DAB2IP: variants seen among roughly 807,000 people sequenced by gnomAD.
The protein encoded by DAB2IP is DAB2 interacting protein, also known as disabled homolog 2-interacting protein.
In DAB2IP, 28 loss-of-function variants were observed where a neutral mutation model predicts 107.2. The ratio of observed to expected loss-of-function variants is 0.26; its 90% CI spans 0.19 to 0.36. The LOEUF (loss-of-function observed/expected upper bound fraction) is 0.36, where lower values mean the gene tolerates loss of function less well. Ranked by LOEUF, DAB2IP falls within the 10% of genes least tolerant of loss-of-function variation. DAB2IP has a pLI of 1.00. For missense variants in DAB2IP, 1,400 were observed against 1,644.7 expected, an observed-to-expected ratio of 0.85 and a Z score of 2.57; for synonymous variants, 755 against 706.4, an observed-to-expected ratio of 1.07 and a Z score of -1.09.
chr9:121,693,234 T>C (rs957674039), intron 2 of DAB2IP, among the ~76,000 whole-genome samples: 1 of 152,154 alleles, frequency 6.6e-6, no homozygotes, highest in Non-Finnish European at 1.5e-5. Context: ...GCCTCAGATG[T>C]CTCCTCAGTG....
chr9:121,657,288 A>G (rs1239535125), intron 1 of DAB2IP, among the ~76,000 whole-genome samples: 1 of 152,200 alleles, frequency 6.6e-6, no homozygotes, highest in Non-Finnish European at 1.5e-5. Flanking sequence ...CCTAATCCCC[A>G]GAGCTCTCTA....
At chr9:121,722,489 C>T (rs1221326170) in intron 3 of DAB2IP, among the ~76,000 whole-genome samples, 1 of 152,170 alleles carries the variant, frequency 6.6e-6, no homozygotes, top group African/African-American at 2.4e-5. Context: ...TAAATGATCA[C>T]CTGCAGAAAT....
chr9:121,705,741 C>T (rs542987798), intron 3 of DAB2IP, among the ~76,000 whole-genome samples: 82 of 152,326 alleles, frequency 5.4e-4, no homozygotes, highest in South Asian at 4.6e-3. Context: ...CTTCGGTTAC[C>T]AGGCAGAGCC....
At chr9:121,591,768 G>A (rs1045056109) in intron 1 of DAB2IP, among the ~76,000 whole-genome samples, 25 of 152,352 alleles carry the variant, frequency 1.6e-4, no homozygotes, top group Middle Eastern at 6.8e-3. Context: ...TAAGGACAGT[G>A]GTTGAAGCCA....
At position 121,783,579 on chromosome 9, in the gene DAB2IP, CAG is replaced by C. The variant is rs767130017; in HGVS notation, c.*1082_*1083del. 47 of 1,613,404 alleles carry C rather than the reference CAG, an allele frequency of 2.9e-5. 2 individuals are homozygous for C. The South Asian group carries it at 4.3e-4, about 15-fold the overall frequency. ...GCCCGCTTGCTCGCTTGCTGGAACACAGGGGCCTTTTAAGTTGAGCGTGCGCA... is the reference window on the plus strand; with the variant it reads ...GCCCGCTTGCTCGCTTGCTGGAACACGGGCCTTTTAAGTTGAGCGTGCGCA... On this transcript the variant is annotated 3_prime_UTR_variant, in exon 16 of 16. Transcript: ENST00000408936.
chr9:121,740,043 C>T (rs530796971), intron 3 of DAB2IP, among the ~76,000 whole-genome samples: 2 of 152,114 alleles, frequency 1.3e-5, no homozygotes, highest in East Asian at 1.9e-4. Flanking sequence ...CCAGTGGGGT[C>T]GGAACAGACA....
At chr9:121,727,747 T>G (rs1387586406) in intron 3 of DAB2IP, among the ~76,000 whole-genome samples, 1 of 152,220 alleles carries the variant, frequency 6.6e-6, no homozygotes, top group African/African-American at 2.4e-5. Flanking sequence ...CTTGTGTATT[T>G]CCTTTTCCCT....
At chr9:121,665,405 G>A (rs1015221320) in intron 1 of DAB2IP, among the ~76,000 whole-genome samples, 11 of 152,234 alleles carry the variant, frequency 7.2e-5, no homozygotes, top group East Asian at 1.9e-4. Context: ...AATTTGGGGG[G>A]AAAATAGTTT....
intron 1 of DAB2IP, among the ~76,000 whole-genome samples, chr9:121,625,879 T>A (rs1012979102): frequency 6.6e-6 from 1 of 152,166 alleles, no homozygotes; most frequent in African/African-American, 2.4e-5. Context: ...CTTCCGGCCA[T>A]CGTGGGCCCA....
In DAB2IP at chr9:121,760,128, C is replaced by T. The variant is rs1221096602; in HGVS notation, c.859C>T (p.Arg287Cys). ...GACCGACAAGAAGAAGAAGAAGGAG[C>T]GCAACAGTTACCTGGGCCTGGTGAG... Residue 287 changes from arginine (R) to cysteine (C), a missense_variant, in exon 6 of 16, where the codon CGC becomes TGC. Coordinates refer to ENST00000408936, the Ensembl canonical transcript of DAB2IP. The surrounding 1 kb of genome is among the most constrained non-coding windows in gnomAD (Gnocchi z 5.9). The T allele has an allele frequency of 1.2e-6, 2 of 1,613,868 alleles. No homozygotes were observed. Among genetic ancestry groups the T allele is most frequent in the African/African-American group, 1.3e-5 (1 of 75,014 alleles).
intron 1 of DAB2IP, among the ~76,000 whole-genome samples, chr9:121,654,230 T>A (rs1433830155): frequency 6.6e-6 from 1 of 151,698 alleles, no homozygotes; most frequent in East Asian, 1.9e-4. Flanking sequence ...ACGGCTTGGG[T>A]ATTGAGAATA....
chr9:121,621,491 C>T (rs990186514), intron 1 of DAB2IP, among the ~76,000 whole-genome samples: 1 of 152,138 alleles, frequency 6.6e-6, no homozygotes, highest in African/African-American at 2.4e-5. Context: ...TCAAAGTTCC[C>T]CTGCCTGGTG....
At chr9:121,755,799 T>C (rs1317284181) in intron 3 of DAB2IP, among the ~76,000 whole-genome samples, 1 of 152,114 alleles carries the variant, frequency 6.6e-6, no homozygotes, top group Non-Finnish European at 1.5e-5. Flanking sequence ...AGGGTATGCA[T>C]CCTACAGGGA....
intron 3 of DAB2IP, among the ~76,000 whole-genome samples, chr9:121,732,059 A>G (rs1001501191): frequency 1.3e-5 from 2 of 152,094 alleles, no homozygotes; most frequent in Non-Finnish European, 2.9e-5. Context: ...GCCAGGGCTG[A>G]GGGGACTGCC....
At chr9:121,644,968 G>C (rs942237528) in intron 1 of DAB2IP, among the ~76,000 whole-genome samples, 1 of 152,236 alleles carries the variant, frequency 6.6e-6, no homozygotes, top group Admixed American at 6.5e-5. Flanking sequence ...GCCATGAAAT[G>C]GTTCACAGAT....
At chr9:121,677,241 T>C (rs752987881) in intron 1 of DAB2IP, among the ~76,000 whole-genome samples, 11 of 152,148 alleles carry the variant, frequency 7.2e-5, no homozygotes, top group Non-Finnish European at 1.6e-4. Flanking sequence ...ACGTGGGGGC[T>C]GACATAGTGG....
At chr9:121,607,264 T>C (rs879337242) in intron 1 of DAB2IP, among the ~76,000 whole-genome samples, 1 of 152,086 alleles carries the variant, frequency 6.6e-6, no homozygotes, top group African/African-American at 2.4e-5. Context: ...AGATTGATGA[T>C]GGTCTGGTTT....
intron 1 of DAB2IP, among the ~76,000 whole-genome samples, chr9:121,592,637 T>G (rs1830440250): frequency 6.6e-6 from 1 of 152,224 alleles, no homozygotes; most frequent in Non-Finnish European, 1.5e-5. Flanking sequence ...ACATGTAACA[T>G]TAGCCAATTC....
In DAB2IP at chr9:121,676,282, C is replaced by A. The variant is rs533124224; in HGVS notation, c.125-2396C>A. Among the ~76,000 whole-genome samples, 10 of 152,328 alleles carry A rather than the reference C, an allele frequency of 6.6e-5. No individual in the cohort carries two copies. In the South Asian group the frequency reaches 2.1e-3, roughly 32 times the overall value. On this transcript the variant is annotated intron_variant, in intron 1 of 15. Coordinates refer to ENST00000408936, the Ensembl canonical transcript of DAB2IP. ...GCCTGGAAAGCACACAGTGCCCCAG[C>A]ATCCTGTTCTGCCTTCTGGAAAGCC...
Sources: gnomAD v4.1 joint callset for allele counts (sites outside exome capture counted in the v4.1 genomes callset) on GRCh38, gnomAD v4.1.1 for gene constraint, Gnocchi (gnomAD v3.1) non-coding constraint, MANE v1.5 for transcripts, NCBI Gene and HGNC (gene_info 2026-07-23, HGNC 2026-07-21) for gene names.